The following CRTC1 variants were observed in gnomAD, a reference collection of about 807,000 sequenced individuals.
The protein encoded by CRTC1 is CREB-regulated transcription coactivator 1.
A neutral mutation model predicts 66.1 loss-of-function variants in CRTC1; 18 were observed. The ratio of observed to expected loss-of-function variants is 0.27; its 90% confidence interval spans 0.19 to 0.40. The LOEUF (loss-of-function observed/expected upper bound fraction) is 0.40. Ranked by LOEUF, CRTC1 falls within the 10% of genes least tolerant of loss-of-function variation. CRTC1 has a pLI of 1.00. For synonymous variants in CRTC1, 416 were observed against 398.8 expected (o/e 1.04, Z -0.51); for missense variants, 669 against 887.9 (o/e 0.75, Z 3.13).
chr19:18,715,414 T>C (rs1167199569), intron 1 of CRTC1, among the ~76,000 whole-genome samples: 1 of 152,208 alleles, frequency 6.6e-6, no homozygotes, highest in African/African-American at 2.4e-5. Flanking sequence ...TCTTCTCTTC[T>C]AAAGGCCCTT....
At chr19:18,734,034 G>A (rs1184127313) in intron 1 of CRTC1, among the ~76,000 whole-genome samples, 1 of 152,146 alleles carries the variant, frequency 6.6e-6, no homozygotes, top group Non-Finnish European at 1.5e-5. Flanking sequence ...CCCGGCAGGT[G>A]GAGGTTGCAG....
chr19:18,712,254 CGTTT>C (rs36061828), intron 1 of CRTC1, among the ~76,000 whole-genome samples: 3 of 150,540 alleles, frequency 2.0e-5, no homozygotes, highest in Non-Finnish European at 4.4e-5. Context: ...CCCAGTTAGA[CGTTT>C]GTTTGTTTGT....
chr19:18,768,850 C>CG lies in CRTC1; in HGVS notation c.1320+62dup. On this transcript the variant is annotated intron_variant, in intron 10 of 13. Transcript: ENST00000321949. This position sits in a 1 kb window ranked among gnomAD's most constrained non-coding sequence, Gnocchi z 5.6. ...ACTGGGGGTCTTGTAGAGGACAGCC[C>CG]GGGGGCTGCAGAACAGTCGGGTTAC... The CG allele has an allele frequency of 6.6e-7, 1 of 1,525,568 alleles. No individual in the cohort carries two copies. Among genetic ancestry groups the CG allele is most frequent in the East Asian group, 2.4e-5 (1 of 41,126 alleles). 94.5% of individuals were successfully genotyped at this position (1,525,568 alleles called of 1,614,324 possible). A position where few individuals can be genotyped will look rare whatever the true frequency, so the allele number is the denominator to read the frequency against.
intron 9 of CRTC1, among the ~76,000 whole-genome samples, chr19:18,767,152 C>A (rs1447391907): frequency 6.6e-6 from 1 of 152,062 alleles, no homozygotes; most frequent in African/African-American, 2.4e-5. Context: ...CAAAAAAACC[C>A]TAACAGAGAA....
chr19:18,701,241 A>G (rs1234882209), intron 1 of CRTC1, among the ~76,000 whole-genome samples: 1 of 152,224 alleles, frequency 6.6e-6, no homozygotes, highest in Non-Finnish European at 1.5e-5. Flanking sequence ...ACGCTGCTCT[A>G]TGCGCCTCTG....
chr19:18,745,518 C>T (rs1453837174), intron 2 of CRTC1, among the ~76,000 whole-genome samples: 1 of 152,192 alleles, frequency 6.6e-6, no homozygotes, highest in Non-Finnish European at 1.5e-5. Flanking sequence ...ACATCCCTGG[C>T]ACCCGGCGGG....
At chr19:18,724,548 C>T (rs1015161746) in intron 1 of CRTC1, among the ~76,000 whole-genome samples, 2 of 151,680 alleles carry the variant, frequency 1.3e-5, no homozygotes, top group African/African-American at 2.4e-5. Context: ...ATCCAGGTGT[C>T]GGCAGGGCCG....
At chr19:18,763,110 C>CT (rs1023424458) in intron 8 of CRTC1, among the ~76,000 whole-genome samples, 11 of 150,272 alleles carry the variant, frequency 7.3e-5, no homozygotes, top group East Asian at 1.9e-4. Context: ...TTTTTTTTTT[C>CT]TTTTTTTTGA....
intron 6 of CRTC1, among the ~76,000 whole-genome samples, chr19:18,759,056 C>G (rs767189659): frequency 6.6e-6 from 1 of 152,088 alleles, no homozygotes. Flanking sequence ...AAAAAGCAGC[C>G]GGGCGCAGTG....
intron 3 of CRTC1, 71 bp from the exon 4 acceptor site, chr19:18,746,982 G>A: frequency 1.3e-6 from 2 of 1,483,934 alleles, no homozygotes; most frequent in Non-Finnish European, 1.9e-6. Context: ...GGGGCTTCCT[G>A]CCCTGGGCTG....
chr19:18,733,608 C>T (rs918952291), intron 1 of CRTC1, among the ~76,000 whole-genome samples: 8 of 152,220 alleles, frequency 5.3e-5, no homozygotes, highest in African/African-American at 1.2e-4. Context: ...CATTCCCTAT[C>T]GCTTCCCAAG....
At chr19:18,756,334 CAA>C (rs56092227) in intron 6 of CRTC1, among the ~76,000 whole-genome samples, 7 of 73,176 alleles carry the variant, frequency 9.6e-5, no homozygotes, top group African/African-American at 1.2e-4. Context: ...AACTCCATCT[CAA>C]AAAAAAAAAA....
chr19:18,693,483 TTG>T (rs757718380), intron 1 of CRTC1, among the ~76,000 whole-genome samples: 2,473 of 144,610 alleles, frequency 0.017, 113 homozygotes, highest in African/African-American at 0.063. Context: ...TCTTTTGTTT[TTG>T]TTTTTTTTTT....
rs1026568149 is a variant in CRTC1 at position 18,771,544 on chromosome 19, C to A, written c.1423C>A (p.Gln475Lys). The A allele has an allele frequency of 3.7e-6, 6 of 1,611,358 alleles. No individual in the cohort carries two copies. The highest frequency in any genetic ancestry group is 3.3e-5 in the Admixed American group (2 of 59,884). Residue 475 changes from glutamine (Q) to lysine (K), a missense_variant and splice_region_variant, in exon 11 of 14, where the codon CAA (glutamine) becomes AAA (lysine). By Grantham distance (53) the Gln-to-Lys change is moderately conservative. This residue lies in a region of CRTC1 where 79 missense variants were observed against 100.1 expected (regional missense o/e 0.79). Coordinates refer to ENST00000321949, the MANE Select transcript of CRTC1 (RefSeq NM_015321.3). The surrounding 1 kb of genome is among the most constrained non-coding windows in gnomAD (Gnocchi z 4.6). Reference sequence around the variant, plus strand: ...AGGCTTCTCCCCAGGGAGCTCCCCGCAAGTAAGGGGCGCCGCCTCCCCCTT... The same window carrying A: ...AGGCTTCTCCCCAGGGAGCTCCCCGAAAGTAAGGGGCGCCGCCTCCCCCTT... ...NQGFSPGSSP[Q>K]HTSTLGSVFG...
intron 1 of CRTC1, among the ~76,000 whole-genome samples, chr19:18,684,673 C>T (rs1366808457): frequency 6.6e-6 from 1 of 152,002 alleles, no homozygotes; most frequent in Non-Finnish European, 1.5e-5. Flanking sequence ...ACCACAGCCC[C>T]TGCCCTCTCA....
At chr19:18,751,579 C>T (rs2054364328) in intron 5 of CRTC1, among the ~76,000 whole-genome samples, 1 of 152,160 alleles carries the variant, frequency 6.6e-6, no homozygotes, top group African/African-American at 2.4e-5. Flanking sequence ...ACTGAAAGAT[C>T]CAAGGAAAGG....
rs907083923 is a variant in CRTC1, at chr19:18,693,485, G to GT, written c.126+9671dup. ...CAAGGAGCTTAACTCTTTTGTTTTT[G>GT]TTTTTTTTTTTTTTGAAACAGAGTT... On this transcript the variant is annotated intron_variant, in intron 1 of 13. Coordinates refer to ENST00000321949, the MANE Select transcript of CRTC1 (RefSeq NM_015321.3). Among the ~76,000 whole-genome samples the GT allele has an allele frequency of 8.0e-4, 103 of 128,578 alleles. 1 individual carries two copies. Among genetic ancestry groups the GT allele is most frequent in the Non-Finnish European group, 1.1e-3 (65 of 60,812 alleles). 84.4% of individuals were successfully genotyped at this position (128,578 alleles called of 152,430 possible). A position where few individuals can be genotyped will look rare whatever the true frequency, so the allele number is the denominator to read the frequency against.
intron 1 of CRTC1, among the ~76,000 whole-genome samples, chr19:18,684,090 C>G (rs939222072): frequency 6.6e-6 from 1 of 151,888 alleles, no homozygotes; most frequent in Non-Finnish European, 1.5e-5. Context: ...ACAGGGGCCT[C>G]TATATCATTA....
intron 11 of CRTC1, among the ~76,000 whole-genome samples, chr19:18,772,351 G>A (rs1240006507): frequency 6.6e-6 from 1 of 152,164 alleles, no homozygotes; most frequent in Non-Finnish European, 1.5e-5. Flanking sequence ...GTGCCCACAA[G>A]GCCAACATCC....
Sources: gnomAD v4.1 joint callset for allele counts (sites outside exome capture counted in the v4.1 genomes callset) on GRCh38, gnomAD v4.1.1 for gene constraint, gnomAD v4.1.1 regional missense constraint, Gnocchi (gnomAD v3.1) non-coding constraint, MANE v1.5 for transcripts, NCBI Gene and HGNC (gene_info 2026-07-23, HGNC 2026-07-21) for gene names.